The following C10orf90 variants were observed in gnomAD, a reference collection of about 807,000 sequenced individuals.
C10orf90 encodes the protein (E2-independent) E3 ubiquitin-conjugating enzyme FATS.
A neutral mutation model predicts 62.5 loss-of-function variants in C10orf90; 56 were observed. That is an observed-to-expected ratio of 0.90 (90% confidence interval 0.72 to 1.12). The LOEUF is 1.12. Ranked by LOEUF, C10orf90 falls within the 50% of genes most tolerant of loss-of-function variation. C10orf90 has a pLI of 0.00. For synonymous variants in C10orf90, 386 were observed against 340.4 expected, an observed-to-expected ratio of 1.13 and a Z score of -1.47; for missense variants, 970 against 880.4, an observed-to-expected ratio of 1.10 and a Z score of -1.29.
intron 8 of C10orf90, among the ~76,000 whole-genome samples, chr10:126,428,219 G>A (rs1857369858): frequency 6.6e-6 from 1 of 152,022 alleles, no homozygotes; most frequent in South Asian, 2.1e-4. Context: ...CTACTTTAAG[G>A]CAAAGAGAAA....
chr10:126,459,468 C>T (rs984693025), intron 6 of C10orf90, among the ~76,000 whole-genome samples: 1 of 152,246 alleles, frequency 6.6e-6, no homozygotes, highest in African/African-American at 2.4e-5. Flanking sequence ...TGACCGGCAA[C>T]TGGCATCAAA....
rs199879866 is a variant in C10orf90 at position 126,579,547 on chromosome 10, G to GT, written c.314-65609dup. Among the ~76,000 whole-genome samples the GT allele has an allele frequency of 4.9e-3, 749 of 152,100 alleles. 16 individuals are homozygous for GT. Among genetic ancestry groups the GT allele is most frequent in the East Asian group, 0.027 (140 of 5,164 alleles). Reference sequence around the variant, plus strand: ...TGAGCCACCGCACCCAGCCAAATCTGTATTTCCTGATGCAGTTTACACTGA... The same window carrying GT: ...TGAGCCACCGCACCCAGCCAAATCTGTTATTTCCTGATGCAGTTTACACTGA... On this transcript the variant is annotated intron_variant, in intron 2 of 9. Coordinates refer to ENST00000488181, the MANE Select transcript of C10orf90 (RefSeq NM_001350921.2).
chr10:126,439,001 A>G (rs966880261), intron 7 of C10orf90, among the ~76,000 whole-genome samples: 2 of 152,028 alleles, frequency 1.3e-5, no homozygotes, highest in African/African-American at 4.8e-5. Context: ...CTCCATTGGT[A>G]CCATACATCG....
intron 7 of C10orf90, among the ~76,000 whole-genome samples, chr10:126,436,121 C>A (rs182749651): frequency 5.3e-5 from 8 of 152,268 alleles, no homozygotes; most frequent in Admixed American, 2.0e-4. Context: ...TCTACCTGTG[C>A]AAATTCAGTA....
chr10:126,505,668 T>C (rs976916721), intron 3 of C10orf90, among the ~76,000 whole-genome samples: 1 of 152,148 alleles, frequency 6.6e-6, no homozygotes, highest in Non-Finnish European at 1.5e-5. Context: ...AGAAATCAAA[T>C]GCCCAGCTGG....
intron 2 of C10orf90, among the ~76,000 whole-genome samples, chr10:126,535,751 C>T (rs10901629): frequency 2.0e-5 from 3 of 152,122 alleles, no homozygotes; most frequent in Non-Finnish European, 2.9e-5. Flanking sequence ...CCTTAGCCAG[C>T]CGAGCTTTTC....
intron 4 of C10orf90, among the ~76,000 whole-genome samples, chr10:126,498,945 A>G (rs1862231974): frequency 6.6e-6 from 1 of 152,140 alleles, no homozygotes; most frequent in Admixed American, 6.5e-5. Context: ...CTACCCATTC[A>G]TCTCCACCTC....
At chr10:126,509,378 CAT>C (rs1482559970) in intron 3 of C10orf90, among the ~76,000 whole-genome samples, 1 of 152,136 alleles carries the variant, frequency 6.6e-6, no homozygotes, top group African/African-American at 2.4e-5. Context: ...GGATATCTGA[CAT>C]AATCCAACCT....
rs553410812 is a variant in C10orf90 at position 126,532,929 on chromosome 10, A to ATTATTTAT, written c.314-18998_314-18991dup. ...GGCTTGCTACTGTATTATTATTATT[A>ATTATTTAT]TTATTTATTTATTTATTTTTTGAGA... On this transcript the variant is annotated intron_variant, in intron 2 of 9. Transcript: ENST00000488181. 2.7e-5 allele frequency among the ~76,000 whole-genome samples: 4 copies of ATTATTTAT among 145,892 alleles called. No individual in the cohort carries two copies. In the Admixed American group the frequency reaches 2.8e-4, roughly 10 times the overall value.
chr10:126,533,391 T>C (rs529952988), intron 2 of C10orf90, among the ~76,000 whole-genome samples: 60 of 152,304 alleles, frequency 3.9e-4, no homozygotes, highest in Non-Finnish European at 6.9e-4. Context: ...ATCAAGGTGA[T>C]AGCATTCCTA....
chr10:126,444,892 A>T (rs1346430092), intron 7 of C10orf90, among the ~76,000 whole-genome samples: 1 of 152,172 alleles, frequency 6.6e-6, no homozygotes, highest in East Asian at 1.9e-4. Context: ...CTGATCTTTG[A>T]CAAAGCAAAC....
intron 2 of C10orf90, among the ~76,000 whole-genome samples, chr10:126,637,265 C>A (rs1317107789): frequency 2.0e-5 from 3 of 152,264 alleles, no homozygotes; most frequent in Middle Eastern, 3.4e-3. Flanking sequence ...AGGGGACATG[C>A]ACTCTGTGTC....
chr10:126,619,722 C>G (rs1845610018), intron 2 of C10orf90, among the ~76,000 whole-genome samples: 1 of 152,206 alleles, frequency 6.6e-6, no homozygotes, highest in South Asian at 2.1e-4. Context: ...TCACTACAGC[C>G]TCAGCCTCCC....
chr10:126,464,610 G>C, intron 5 of C10orf90, 86 bp downstream of exon 5: 1 of 1,352,542 alleles, frequency 7.4e-7, no homozygotes, highest in Non-Finnish European at 1.0e-6. Flanking sequence ...AACGGTGACA[G>C]TATGCACGAG....
Position 126,469,559 on chromosome 10 carries a change from G to T in C10orf90, c.1535-4573C>A, listed in dbSNP as rs187356412. ...AAGAGTTCCAGTAACCCAAGCTTGT[G>T]TCATTGTCTCTGGGCCATCAACATA... On this transcript the variant is annotated intron_variant, in intron 4 of 9. Transcript: ENST00000488181. 1.1e-3 allele frequency among the ~76,000 whole-genome samples: 168 copies of T among 152,304 alleles called. 3 individuals carry two copies. The highest frequency in any genetic ancestry group is 0.011 in the Admixed American group (167 of 15,298).
intron 2 of C10orf90, among the ~76,000 whole-genome samples, chr10:126,632,609 G>A (rs530011538): frequency 1.3e-5 from 2 of 152,112 alleles, no homozygotes; most frequent in South Asian, 4.1e-4. Flanking sequence ...ATGCACTACT[G>A]CTTTGTTGTA....
chr10:126,603,580 C>T (rs78263440), intron 2 of C10orf90, among the ~76,000 whole-genome samples: 2,270 of 152,266 alleles, frequency 0.015, 74 homozygotes, highest in African/African-American at 0.053. Flanking sequence ...TGATTGCTAG[C>T]TGTGTGAACT....
At chr10:126,597,557 T>C (rs1845112233) in intron 2 of C10orf90, among the ~76,000 whole-genome samples, 2 of 152,020 alleles carry the variant, frequency 1.3e-5, no homozygotes, top group South Asian at 4.1e-4. Context: ...AAAAAGACAA[T>C]TGGATGCTGG....
chr10:126,532,288 T>A lies in C10orf90; in HGVS notation c.314-18349A>T, dbSNP rs192498369. On this transcript the variant is annotated intron_variant, in intron 2 of 9. Transcript: ENST00000488181. ...CTTGGGCGGTATCAAATGCTCAGTG[T>A]GTAAACTGTCTCCTCATTGTAAATG... Among the ~76,000 whole-genome samples, 4 of 152,250 alleles carry A rather than the reference T, an allele frequency of 2.6e-5. No individual in the cohort carries two copies. In the East Asian group the frequency reaches 7.7e-4, roughly 29 times the overall value.
Sources: allele counts gnomAD v4.1 joint callset (sites outside exome capture counted in the v4.1 genomes callset), GRCh38; gene constraint gnomAD v4.1.1; transcripts MANE v1.5; gene names NCBI Gene and HGNC (gene_info 2026-07-23, HGNC 2026-07-21).